Variants in CLCN5 observed in about 807,000 individuals in gnomAD.
CLCN5 encodes the protein Cl-/H+ antiporter 5.
Under a neutral mutation model 54.0 loss-of-function variants are expected in CLCN5, and 17 were observed. The ratio of observed to expected loss-of-function variants is 0.31; its 90% CI spans 0.22 to 0.47. The LOEUF (loss-of-function observed/expected upper bound fraction) is 0.47. CLCN5 is among the 20% of genes least tolerant of loss of function. CLCN5 has a pLI of 1.00. For synonymous variants in CLCN5, 222 were observed against 233.0 expected (o/e 0.95, Z 0.43); for missense variants, 448 against 646.7 (o/e 0.69, Z 3.33).
chrX:50,032,707 G>A (rs9698550), intron 3 of CLCN5, among the ~76,000 whole-genome samples: 3,613 of 109,325 alleles, frequency 0.033, 160 homozygotes, highest in African/African-American at 0.11. Flanking sequence ...TTTGCTGTGC[G>A]GAAGCTCTTG....
intron 3 of CLCN5, among the ~76,000 whole-genome samples, chrX:49,960,518 CTAGTTATA>C (rs1416526026): frequency 2.8e-5 from 3 of 108,445 alleles, no homozygotes; most frequent in African/African-American, 1.0e-4. Flanking sequence ...AGCAGGTAAT[CTAGTTATA>C]TAGATTACCT....
chrX:49,936,393 T>C (rs1320192126), intron 3 of CLCN5, among the ~76,000 whole-genome samples: 1 of 111,640 alleles, frequency 9.0e-6, no homozygotes, highest in East Asian at 2.8e-4. Flanking sequence ...CAGTATAGCT[T>C]TCTCTTCTAT....
At chrX:50,027,991 C>G (rs1222098615) in intron 3 of CLCN5, among the ~76,000 whole-genome samples, 2 of 111,594 alleles carry the variant, frequency 1.8e-5, no homozygotes, top group African/African-American at 6.5e-5. Context: ...ACAGTTCTTT[C>G]AGTCATATTC....
chrX:49,976,412 A>G (rs1270199475), intron 3 of CLCN5, among the ~76,000 whole-genome samples: 1 of 112,117 alleles, frequency 8.9e-6, no homozygotes, highest in African/African-American at 3.2e-5. Context: ...GATGGTTTCC[A>G]GGGTGAAGGG....
Position 49,958,611 on chromosome X carries a change from A to C in CLCN5, c.16+33297A>C, listed in dbSNP as rs188694882. Reference sequence around the variant, plus strand: ...TTTTTAGTTTTACAAGTAACAGCCAAATTTTTCTAGTCTGCTATGATTTTT... The same window carrying C: ...TTTTTAGTTTTACAAGTAACAGCCACATTTTTCTAGTCTGCTATGATTTTT... On this transcript the variant is annotated intron_variant, in intron 3 of 14. Transcript: ENST00000376091. Among the ~76,000 whole-genome samples the C allele has an allele frequency of 1.6e-4, 18 of 111,529 alleles. No homozygotes were observed. In the East Asian group the frequency reaches 4.2e-3, roughly 26 times the overall value.
chrX:49,932,535 A>C (rs1272977364), intron 3 of CLCN5, among the ~76,000 whole-genome samples: 1 of 112,064 alleles, frequency 8.9e-6, no homozygotes, highest in Non-Finnish European at 1.9e-5. Flanking sequence ...CCCCTGGACA[A>C]CTGCTTAGCC....
At chrX:49,956,456 A>T (rs782173801) in intron 3 of CLCN5, among the ~76,000 whole-genome samples, 1 of 112,477 alleles carries the variant, frequency 8.9e-6, no homozygotes, top group East Asian at 2.8e-4. Context: ...ATAAATGTAT[A>T]GTACTAATGT....
intron 3 of CLCN5, among the ~76,000 whole-genome samples, chrX:50,026,829 A>AT (rs1319026887): frequency 1.8e-5 from 2 of 110,358 alleles, no homozygotes; most frequent in African/African-American, 6.6e-5. Context: ...AACTTTGAAG[A>AT]TTTTTTTCCT....
At chrX:50,087,029 C>T (rs1206699199) in intron 11 of CLCN5, among the ~76,000 whole-genome samples, 159 bp downstream of exon 11, 1 of 109,842 alleles carries the variant, frequency 9.1e-6, no homozygotes, top group Admixed American at 9.8e-5. Flanking sequence ...CACACGTTCT[C>T]ATAATTTGCT....
intron 3 of CLCN5, among the ~76,000 whole-genome samples, chrX:50,032,435 C>T (rs1273967956): frequency 9.0e-6 from 1 of 111,273 alleles, no homozygotes; most frequent in Non-Finnish European, 1.9e-5. Flanking sequence ...GATGGTATCT[C>T]ATTGTGGTTT....
At chrX:50,032,250 C>T (rs1296050027) in intron 3 of CLCN5, among the ~76,000 whole-genome samples, 1 of 111,530 alleles carries the variant, frequency 9.0e-6, no homozygotes, top group Non-Finnish European at 1.9e-5. Context: ...TGGGATGGCT[C>T]GGTCAAATGG....
intron 3 of CLCN5, among the ~76,000 whole-genome samples, chrX:50,019,467 T>C (rs1320636603): frequency 4.7e-5 from 4 of 85,853 alleles, no homozygotes; most frequent in Non-Finnish European, 8.6e-5. Context: ...TTTTTTTTTT[T>C]CTTTTTTTTT....
At chrX:49,992,927 C>A (rs1465394044) in intron 3 of CLCN5, among the ~76,000 whole-genome samples, 1 of 111,876 alleles carries the variant, frequency 8.9e-6, no homozygotes, top group Non-Finnish European at 1.9e-5. Context: ...GGGTGTGTAA[C>A]TGGTGTGCTG....
chrX:49,957,268 C>A (rs1557173997), intron 3 of CLCN5, among the ~76,000 whole-genome samples: 4 of 111,169 alleles, frequency 3.6e-5, no homozygotes, highest in African/African-American at 1.3e-4. Flanking sequence ...CCACTGCACT[C>A]CAGCCTGGGC....
chrX:50,006,304 T>G (rs1557181398), intron 3 of CLCN5, among the ~76,000 whole-genome samples: 1 of 112,465 alleles, frequency 8.9e-6, no homozygotes, highest in East Asian at 2.8e-4. Context: ...GTTGGGTACA[T>G]ATGCTGACAC....
chrX:49,989,929 C>G (rs1433968143), intron 3 of CLCN5, among the ~76,000 whole-genome samples: 1 of 111,553 alleles, frequency 9.0e-6, no homozygotes, highest in African/African-American at 3.3e-5. Flanking sequence ...TAACCTGTTT[C>G]AGGTTAAGTG....
At chrX:49,939,165 T>G (rs1478780420) in intron 3 of CLCN5, among the ~76,000 whole-genome samples, 2 of 111,340 alleles carry the variant, frequency 1.8e-5, no homozygotes, top group African/African-American at 6.5e-5. Flanking sequence ...TGTGGAGAAA[T>G]AGGAACACTT....
intron 3 of CLCN5, among the ~76,000 whole-genome samples, chrX:49,997,270 T>G (rs113808598): frequency 0.074 from 8,218 of 111,354 alleles, 760 homozygotes; most frequent in African/African-American, 0.26. Context: ...GGGTTTTTCT[T>G]ACTCCAGAAG....
intron 13 of CLCN5, 24 bp downstream of exon 13, chrX:50,090,538 GT>G (rs1482696231): frequency 4.2e-6 from 5 of 1,191,819 alleles, no homozygotes; most frequent in Non-Finnish European, 5.7e-6. Flanking sequence ...AAAGGGGATA[GT>G]GGAATCCACT....
Sources: gnomAD v4.1 joint callset for allele counts (sites outside exome capture counted in the v4.1 genomes callset) on GRCh38, gnomAD v4.1.1 for gene constraint, MANE v1.5 for transcripts, NCBI Gene and HGNC (gene_info 2026-07-23, HGNC 2026-07-21) for gene names.